Variants in CLPB observed in about 807,000 individuals in gnomAD.
CLPB encodes the protein ClpB family mitochondrial disaggregase.
In CLPB, 40 loss-of-function variants were observed where a neutral mutation model predicts 78.4. The observed-to-expected ratio is 0.51, with a 90% CI of 0.40 to 0.66. CLPB has a LOEUF of 0.66. Among genes scored for constraint, CLPB ranks in the 30% least tolerant of loss-of-function variants. The pLI is 0.00. For missense variants in CLPB, 780 were observed against 886.9 expected (o/e 0.88, Z 1.53); for synonymous variants, 333 against 348.0 (o/e 0.96, Z 0.48).
intron 3 of CLPB, among the ~76,000 whole-genome samples, chr11:72,384,009 C>T (rs533645894): frequency 2.7e-4 from 41 of 152,260 alleles, no homozygotes; most frequent in African/African-American, 9.6e-4. Context: ...CAAACATTAG[C>T]CAGGCGTGGT....
At chr11:72,350,640 T>G (rs1207300179) in intron 5 of CLPB, among the ~76,000 whole-genome samples, 1 of 152,202 alleles carries the variant, frequency 6.6e-6, no homozygotes, top group Non-Finnish European at 1.5e-5. Context: ...TTACAAATTT[T>G]TTAATGATAT....
intron 14 of CLPB, 88 bp from the exon 15 acceptor site, chr11:72,294,214 C>T (rs1221908119): frequency 1.9e-6 from 3 of 1,606,070 alleles, no homozygotes; most frequent in East Asian, 4.5e-5. Flanking sequence ...GGCCACTGGC[C>T]CCACACCACT....
At chr11:72,409,474 C>T (rs1272355808) in intron 2 of CLPB, among the ~76,000 whole-genome samples, 1 of 152,042 alleles carries the variant, frequency 6.6e-6, no homozygotes, top group Admixed American at 6.5e-5. Flanking sequence ...ATCCCAGCTA[C>T]TCGGGTGGCT....
At chr11:72,355,502 G>T (rs150246657) in intron 5 of CLPB, among the ~76,000 whole-genome samples, 4 of 152,170 alleles carry the variant, frequency 2.6e-5, no homozygotes, top group East Asian at 3.8e-4. Context: ...CCTGCCAGGG[G>T]CTTTCATAAA....
rs774761950 is a variant in CLPB at position 72,307,219 on chromosome 11, T to C, written c.1102A>G (p.Met368Val). ...CTTACCTTTTTAGCATCTTTGTGCA[T>C]ATATTTGGCTGTCTGCTTGGCCAGC... ...TELAKQTAKYMHKDAKKGFIR... is the reference protein window; with the variant it reads ...TELAKQTAKYVHKDAKKGFIR... The change falls in exon 9 of 16, where the codon ATG becomes GTG. Residue 368 changes from methionine (M) to valine (V), a missense_variant. Physicochemically the swap from Met to Val is conservative, Grantham distance 21 (BLOSUM62 1). This residue lies in a region of CLPB where 91 missense variants were observed against 168.2 expected (regional missense o/e 0.54). Transcript: ENST00000538039. 5.0e-6 allele frequency: 8 copies of C among 1,614,100 alleles called. No individual in the cohort carries two copies. The highest frequency in any genetic ancestry group is 1.7e-4 in the Middle Eastern group (1 of 6,046).
In CLPB at chr11:72,388,689, C is replaced by T. The variant is rs577911377; in HGVS notation, c.543-8305G>A. ...TATGGCCAGTAGGTTTTTTGTTCAA[C>T]AGCCTTCATGTACTTATAAAGTATC... On this transcript the variant is annotated intron_variant, in intron 3 of 15. Coordinates refer to ENST00000538039, the MANE Select transcript of CLPB (RefSeq NM_001258392.3). Among the ~76,000 whole-genome samples the T allele has an allele frequency of 5.3e-5, 8 of 152,136 alleles. No homozygotes were observed. In the South Asian group the frequency reaches 1.7e-3, roughly 32 times the overall value.
chr11:72,351,384 A>C (rs1422860475), intron 5 of CLPB: 2 of 152,200 alleles, frequency 1.3e-5, no homozygotes, highest in Non-Finnish European at 2.9e-5. Context: ...GTACCAGCAA[A>C]GCAGTCATGT....
intron 10 of CLPB, 55 bp downstream of exon 10, chr11:72,302,249 G>C: frequency 6.4e-7 from 1 of 1,560,348 alleles, no homozygotes; most frequent in South Asian, 1.1e-5. Flanking sequence ...GACCCCGGCA[G>C]TCATGCTGAC....
At position 72,302,570 on chromosome 11, in the gene CLPB, G is replaced by A. The variant is rs1565424928; in HGVS notation, c.1123-222C>T. 1.0e-4 allele frequency: 55 copies of A among 530,584 alleles called. No individual in the cohort carries two copies. In the South Asian group the frequency reaches 1.1e-3, roughly 11 times the overall value. The allele number at this position is 530,584 out of a possible 1,614,324, so 32.9% of individuals were successfully genotyped here. A position where few individuals can be genotyped will look rare whatever the true frequency, so the allele number is the denominator to read the frequency against. On this transcript the variant is annotated intron_variant, in intron 9 of 15. Coordinates refer to ENST00000538039, the MANE Select transcript of CLPB (RefSeq NM_001258392.3). ...CTCTTCCTTAAAAGACCCAAATCAT[G>A]TACCTGACCTTCTAAATCTGACTTG...
At position 72,295,612 on chromosome 11, in the gene CLPB, A is replaced by C; in HGVS notation, c.1366T>G (p.Cys456Gly). 6.2e-7 allele frequency: 1 copy of C among 1,614,098 alleles called. No homozygotes were observed. Among genetic ancestry groups the C allele is most frequent in the Non-Finnish European group, 8.5e-7 (1 of 1,179,992 alleles). ...GTCATGATGAAGATGGCGTCCTTGC[A>C]ATCAATGGTCTTCCCTTTTCCATCT... Reference protein sequence around the residue: ...LTDGKGKTIDCKDAIFIMTSN... With the variant: ...LTDGKGKTIDGKDAIFIMTSN... Residue 456 changes from cysteine (C) to glycine (G), a missense_variant, in exon 12 of 16, where the codon TGC becomes GGC. Transcript: ENST00000538039.
chr11:72,293,260 C>T lies in CLPB; in HGVS notation c.*107G>A. On this transcript the variant is annotated 3_prime_UTR_variant, in exon 16 of 16. Transcript: ENST00000538039. ...TGTGAGGAGGTAAGCAGGCCTGAGA[C>T]TGGGTAGAGATGGGAGCGGCATGAG... is the stretch of plus-strand genomic sequence containing the variant. The T allele has an allele frequency of 7.1e-7, 1 of 1,404,026 alleles. No individual in the cohort carries two copies. Among genetic ancestry groups the T allele is most frequent in the Non-Finnish European group, 9.8e-7 (1 of 1,022,080 alleles). The allele number at this position is 1,404,026 out of a possible 1,614,324, so 87.0% of individuals were successfully genotyped here.
rs139361195 is a variant in CLPB at position 72,434,105 on chromosome 11, C to A, written c.370G>T (p.Val124Phe). 1.1e-4 allele frequency: 178 copies of A among 1,611,684 alleles called. 1 individual carries two copies. Among genetic ancestry groups the A allele is most frequent in the Non-Finnish European group, 1.5e-4 (176 of 1,180,034 alleles). Residue 124 changes from valine (V) to phenylalanine (F), a missense_variant, in exon 1 of 16, where the codon GTT becomes TTT. Coordinates refer to ENST00000538039, the MANE Select transcript of CLPB (RefSeq NM_001258392.3). ...GACGGACTCTTGCTGTAGCAATGAA[C>A]CACCAGCGCTGCGGCCAGGGCGCAC... ...GMCALAAALV[V>F]HCYSKSPSNK...
rs924178834 is a variant in CLPB at position 72,312,646 on chromosome 11, C to T, written c.989-4042G>A. Among the ~76,000 whole-genome samples, 1 of 152,146 alleles carries T rather than the reference C, an allele frequency of 6.6e-6. No individual in the cohort carries two copies. Among genetic ancestry groups the T allele is most frequent in the African/African-American group, 2.4e-5 (1 of 41,416 alleles). ...TACAGAGAAGAGGAGAAGAGTAAGG[C>T]CTAGACTTGAGTCTCTTAGTGCCCC... On this transcript the variant is annotated intron_variant, in intron 7 of 15. Coordinates refer to ENST00000538039, the MANE Select transcript of CLPB (RefSeq NM_001258392.3). This position sits in a 1 kb window ranked among gnomAD's most constrained non-coding sequence, Gnocchi z 4.2.
intron 5 of CLPB, among the ~76,000 whole-genome samples, chr11:72,347,227 G>C (rs1015464566): frequency 5.3e-5 from 8 of 152,122 alleles, no homozygotes. Context: ...ATGAGGAGCA[G>C]GATATTTTTG....
intron 1 of CLPB, among the ~76,000 whole-genome samples, chr11:72,431,432 C>T (rs1856542666): frequency 6.6e-6 from 1 of 152,178 alleles, no homozygotes; most frequent in African/African-American, 2.4e-5. Flanking sequence ...GGGGTCTAGC[C>T]CAGCTCTGTC....
At chr11:72,418,870 A>G (rs1856103282) in intron 2 of CLPB, among the ~76,000 whole-genome samples, 1 of 151,684 alleles carries the variant, frequency 6.6e-6, no homozygotes, top group South Asian at 2.1e-4. Context: ...AAAAAAAAAA[A>G]AAGAAAAGAA....
intron 2 of CLPB, chr11:72,408,280 T>C: frequency 9.7e-7 from 1 of 1,026,984 alleles, no homozygotes; most frequent in African/African-American, 1.6e-5. Context: ...TGTCACTTAC[T>C]AGCTGTGAAA....
In CLPB at chr11:72,293,369, A is replaced by T; in HGVS notation, c.2032T>A (p.Ter678LysextTer71). Residue 678 changes from the stop codon to lysine, a stop_lost, in exon 16 of 16, where the codon TAG becomes AAG. Coordinates refer to ENST00000538039, the MANE Select transcript of CLPB (RefSeq NM_001258392.3). Reference protein sequence around the residue: ...LHPEKVCNTI* With the variant: ...LHPEKVCNTIK ...ACATAGGAGCAGGCAGGTGGCTGCT[A>T]GATGGTGTTGCACACCTTCTCAGGG... is the stretch of plus-strand genomic sequence containing the variant. The T allele has an allele frequency of 6.2e-7, 1 of 1,612,878 alleles. No homozygotes were observed. The highest frequency in any genetic ancestry group is 8.5e-7 in the Non-Finnish European group (1 of 1,179,004).
intron 9 of CLPB, chr11:72,302,622 CCTGTT>C: frequency 4.8e-6 from 2 of 420,108 alleles, no homozygotes; most frequent in Non-Finnish European, 8.9e-6. Context: ...GGAGGCCTCT[CCTGTT>C]CTGATCACCA....
Sources: gnomAD v4.1 joint callset for allele counts (sites outside exome capture counted in the v4.1 genomes callset) on GRCh38, gnomAD v4.1.1 for gene constraint, gnomAD v4.1.1 regional missense constraint, Gnocchi (gnomAD v3.1) non-coding constraint, MANE v1.5 for transcripts, NCBI Gene and HGNC (gene_info 2026-07-23, HGNC 2026-07-21) for gene names.